The following STIMATE variants were observed in gnomAD, a reference collection of about 807,000 sequenced individuals.
STIMATE encodes the protein store-operated calcium entry regulator STIMATE.
Under a neutral mutation model 36.7 loss-of-function variants are expected in STIMATE, and 15 were observed. That is an observed-to-expected ratio of 0.41 (90% CI 0.27 to 0.63). STIMATE has a LOEUF of 0.63. Ranked by LOEUF, STIMATE falls within the 20% of genes least tolerant of loss-of-function variation. The pLI is 0.32. For missense variants in STIMATE, 305 were observed against 397.3 expected (o/e 0.77, Z 1.98); for synonymous variants, 163 against 162.3 (o/e 1.00, Z -0.03).
chr3:52,895,732 C>A (rs934183286), intron 1 of STIMATE: 1 of 410,378 alleles, frequency 2.4e-6, no homozygotes, highest in Non-Finnish European at 4.3e-6. Context: ...CCATCAGCAT[C>A]AATCAAACCT....
chr3:52,859,128 C>T lies in STIMATE; in HGVS notation c.161-3684G>A, dbSNP rs1251753061. Among the ~76,000 whole-genome samples the T allele has an allele frequency of 8.1e-5, 12 of 148,442 alleles. No homozygotes were observed. In the South Asian group the frequency reaches 2.5e-3, roughly 31 times the overall value. On this transcript the variant is annotated intron_variant, in intron 1 of 7. Transcript: ENST00000355083. ...AGTGAGCCAAGATTGCACCACTGCA[C>T]TCCAGCCTGGGCGACAAGAGCGAGA...
At chr3:52,889,453 G>A (rs192575197) in intron 1 of STIMATE, among the ~76,000 whole-genome samples, 23 of 152,264 alleles carry the variant, frequency 1.5e-4, no homozygotes, top group African/African-American at 5.1e-4. Flanking sequence ...AATAAGGAGC[G>A]GCTTTGTTAC....
chr3:52,887,221 A>T (rs1007437573), intron 1 of STIMATE, among the ~76,000 whole-genome samples: 1 of 152,202 alleles, frequency 6.6e-6, no homozygotes, highest in African/African-American at 2.4e-5. Flanking sequence ...GTCCTTAGAA[A>T]ATGCATGCTG....
chr3:52,844,384 G>A lies in STIMATE; in HGVS notation c.540+445C>T, dbSNP rs1700858278. Among the ~76,000 whole-genome samples, 2 of 152,220 alleles carry A rather than the reference G, an allele frequency of 1.3e-5. 1 individual carries two copies. Among genetic ancestry groups the A allele is most frequent in the South Asian group, 4.1e-4 (2 of 4,834 alleles). Reference sequence around the variant, plus strand: ...ATCTACACAGAACTGGGGTCAGAGGGCGGAAGCCACGGTTGGGGAGCCCGT... The same window carrying A: ...ATCTACACAGAACTGGGGTCAGAGGACGGAAGCCACGGTTGGGGAGCCCGT... On this transcript the variant is annotated intron_variant, in intron 5 of 7. Transcript: ENST00000355083.
chr3:52,852,593 G>A lies in STIMATE; in HGVS notation c.305+10C>T. The A allele has an allele frequency of 6.2e-7, 1 of 1,612,380 alleles. No homozygotes were observed. Among genetic ancestry groups the A allele is most frequent in the African/African-American group, 1.3e-5 (1 of 74,944 alleles). ...CAGCTGATGTTTGCACTCAAATAGG[G>A]AACACTTACAGTGAACAAGGGTCCT... On this transcript the variant is annotated intron_variant, in intron 3 of 7. Transcript: ENST00000355083.
In STIMATE at chr3:52,840,199, C is replaced by T. The variant is rs761043285; in HGVS notation, c.*295G>A. ...ACGGGGCAGGGCCTCAGGTCCCTCA[C>T]AACACTGTCTGGGACGACAACAAAC... On this transcript the variant is annotated 3_prime_UTR_variant, in exon 8 of 8. Coordinates refer to ENST00000355083, the MANE Select transcript of STIMATE (RefSeq NM_198563.5). 6.0e-5 allele frequency: 12 copies of T among 198,640 alleles called. No homozygotes were observed. The highest frequency in any genetic ancestry group is 6.1e-5 in the Non-Finnish European group (6 of 97,704). 12.3% of individuals were successfully genotyped at this position (198,640 alleles called of 1,614,324 possible). A position where few individuals can be genotyped will look rare whatever the true frequency, so the allele number is the denominator to read the frequency against.
At chr3:52,897,206 C>G in intron 1 of STIMATE, 85 bp downstream of exon 1, 1 of 1,489,588 alleles carries the variant, frequency 6.7e-7, no homozygotes, top group Non-Finnish European at 8.9e-7. Flanking sequence ...AAGGCCTGAA[C>G]TCTCCGCGCA....
rs561516734 is a variant in STIMATE, at chr3:52,882,955, A to T, written c.160+14336T>A. Among the ~76,000 whole-genome samples the T allele has an allele frequency of 1.7e-3, 256 of 152,298 alleles. 2 individuals are homozygous for T. Among genetic ancestry groups the T allele is most frequent in the Non-Finnish European group, 1.2e-3 (80 of 68,030 alleles). On this transcript the variant is annotated intron_variant, in intron 1 of 7. Transcript: ENST00000355083. ...TAGGAGCCTAAAACCACATCCCTGC[A>T]CTGCTTCTCACTGTAGCGGTGGCAA...
intron 1 of STIMATE, among the ~76,000 whole-genome samples, chr3:52,857,919 A>G (rs983905751): frequency 4.6e-5 from 7 of 152,148 alleles, no homozygotes; most frequent in Non-Finnish European, 7.4e-5. Context: ...AGGTTTAATG[A>G]GAGCTTTTTG....
At chr3:52,856,505 AC>A (rs11290715) in intron 1 of STIMATE, among the ~76,000 whole-genome samples, 116,644 of 151,714 alleles carry the variant, frequency 0.77, 46,440 homozygotes, top group East Asian at 0.94. Flanking sequence ...ACAGAGTGAG[AC>A]CACGTCTCTA....
At chr3:52,853,304 T>C (rs1416041084) in intron 2 of STIMATE, among the ~76,000 whole-genome samples, 1 of 152,188 alleles carries the variant, frequency 6.6e-6, no homozygotes, top group Non-Finnish European at 1.5e-5. Flanking sequence ...GGCTGTAGTG[T>C]GCCAGCCCCT....
chr3:52,843,693 C>T (rs768290193), intron 6 of STIMATE, 28 bp downstream of exon 6: 47 of 1,613,756 alleles, frequency 2.9e-5, no homozygotes, highest in South Asian at 2.7e-4. Flanking sequence ...GGGAGCAAAT[C>T]GGGATAAAAA....
At chr3:52,868,569 T>G (rs1346152046) in intron 1 of STIMATE, among the ~76,000 whole-genome samples, 1 of 152,236 alleles carries the variant, frequency 6.6e-6, no homozygotes, top group South Asian at 2.1e-4. Flanking sequence ...GCTGCCGTTA[T>G]GGCTGTCATG....
At chr3:52,845,030 G>A in intron 4 of STIMATE, 89 bp from the exon 5 acceptor site, 1 of 1,369,780 alleles carries the variant, frequency 7.3e-7, no homozygotes, top group South Asian at 1.3e-5. Context: ...ACGCACCCCA[G>A]AACACTGGCT....
chr3:52,882,897 C>A (rs1209693565), intron 1 of STIMATE, among the ~76,000 whole-genome samples: 1 of 152,118 alleles, frequency 6.6e-6, no homozygotes, highest in Non-Finnish European at 1.5e-5. Flanking sequence ...AAACAGGGGA[C>A]GCCGAGAGCA....
At chr3:52,851,997 C>A (rs551581635) in intron 3 of STIMATE, among the ~76,000 whole-genome samples, 60 of 152,260 alleles carry the variant, frequency 3.9e-4, no homozygotes, top group African/African-American at 1.3e-3. Flanking sequence ...GCTATGAGGA[C>A]AAAGGGAGGC....
At position 52,843,898 on chromosome 3, in the gene STIMATE, A is replaced by C; in HGVS notation, c.541-100T>G. ...ATAGGCCCTGAGGGAGCCTTAGCTT[A>C]AGACGCTTCCTCCAAAGCCCAATGG... On this transcript the variant is annotated intron_variant, in intron 5 of 7. Coordinates refer to ENST00000355083, the MANE Select transcript of STIMATE (RefSeq NM_198563.5). 11 of 1,517,178 alleles carry C rather than the reference A, an allele frequency of 7.3e-6. No homozygotes were observed. In the Middle Eastern group the frequency reaches 6.3e-4, roughly 87 times the overall value. 94.0% of individuals were successfully genotyped at this position (1,517,178 alleles called of 1,614,324 possible).
chr3:52,881,612 G>A (rs1407107059), intron 1 of STIMATE, among the ~76,000 whole-genome samples: 1 of 152,134 alleles, frequency 6.6e-6, no homozygotes, highest in Non-Finnish European at 1.5e-5. Context: ...TGAGGCAGGA[G>A]AATGGCGTGA....
chr3:52,862,798 A>C (rs1701239280), intron 1 of STIMATE, among the ~76,000 whole-genome samples: 1 of 152,220 alleles, frequency 6.6e-6, no homozygotes. Context: ...AAAGATCATG[A>C]GATGAGATCA....
Sources: allele counts gnomAD v4.1 joint callset (sites outside exome capture counted in the v4.1 genomes callset), GRCh38; gene constraint gnomAD v4.1.1; transcripts MANE v1.5; gene names NCBI Gene and HGNC (gene_info 2026-07-23, HGNC 2026-07-21).